Variants in ASCC2 observed in about 807,000 individuals in gnomAD.
ASCC2 encodes activating signal cointegrator 1 complex subunit 2.
In ASCC2, 42 loss-of-function variants were observed where a neutral mutation model predicts 93.5. That is an observed-to-expected ratio of 0.45 (90% confidence interval 0.35 to 0.58). The LOEUF (loss-of-function observed/expected upper bound fraction) is 0.58, where lower values mean the gene tolerates loss of function less well. Ranked by LOEUF, ASCC2 falls within the 20% of genes least tolerant of loss-of-function variation. The pLI, the probability that ASCC2 is intolerant of heterozygous loss-of-function variation, is 0.00. For synonymous variants in ASCC2, 364 were observed against 384.2 expected (o/e 0.95, Z 0.62); for missense variants, 859 against 977.6 (o/e 0.88, Z 1.62).
intron 9 of ASCC2, among the ~76,000 whole-genome samples, 178 bp downstream of exon 9, chr22:29,807,933 A>C (rs368879372): frequency 9.9e-5 from 15 of 152,126 alleles, no homozygotes; most frequent in African/African-American, 1.9e-4. Flanking sequence ...ACAACAAAAA[A>C]AAAAACAAAT....
chr22:29,791,541 C>T (rs1036914863), intron 18 of ASCC2, among the ~76,000 whole-genome samples: 1 of 152,128 alleles, frequency 6.6e-6, no homozygotes, highest in Non-Finnish European at 1.5e-5. Context: ...ATTAGCCAGG[C>T]ATGGTGGCGA....
intron 8 of ASCC2, among the ~76,000 whole-genome samples, chr22:29,810,884 C>T (rs1450701744): frequency 2.6e-5 from 4 of 152,188 alleles, no homozygotes; most frequent in South Asian, 4.1e-4. Flanking sequence ...GTGCGTGCCA[C>T]CACATCCAGC....
chr22:29,789,024 T>A lies in ASCC2; in HGVS notation c.2263A>T (p.Ile755Phe). Residue 755 changes from isoleucine (I) to phenylalanine (F), a missense_variant, in exon 20 of 20, where the codon ATC (isoleucine) becomes TTC (phenylalanine). Physicochemically the swap from Ile to Phe is conservative, Grantham distance 21 (BLOSUM62 0). Coordinates refer to ENST00000307790, the MANE Select transcript of ASCC2 (RefSeq NM_032204.5). The part of the protein sequence containing the change: ...MADRKRSKGM[I>F]PS ...CCCTGCACCAGGTCTCAGGATGGGA[T>A]CATGCCTTTGCTCCTCTTGCGGTCG... 1.2e-6 allele frequency: 2 copies of A among 1,614,144 alleles called. No individual in the cohort carries two copies. The highest frequency in any genetic ancestry group is 1.7e-6 in the Non-Finnish European group (2 of 1,180,008).
intron 18 of ASCC2, among the ~76,000 whole-genome samples, chr22:29,790,760 C>T (rs765718097): frequency 2.0e-5 from 3 of 152,190 alleles, no homozygotes; most frequent in Non-Finnish European, 1.5e-5. Flanking sequence ...CTTCCCTGAG[C>T]GGGTGGCAGC....
At chr22:29,827,791 C>CACACAA (rs1491484614) in intron 2 of ASCC2, among the ~76,000 whole-genome samples, 1 of 91,740 alleles carries the variant, frequency 1.1e-5, no homozygotes, top group Non-Finnish European at 2.2e-5. Flanking sequence ...CACACACACA[C>CACACAA]AACCAGGCTA....
chr22:29,829,953 A>G (rs1264423467), intron 2 of ASCC2, among the ~76,000 whole-genome samples: 1 of 152,192 alleles, frequency 6.6e-6, no homozygotes, highest in Non-Finnish European at 1.5e-5. Context: ...GCCCCAAGCC[A>G]AGACTAAAGG....
intron 17 of ASCC2, 104 bp from the exon 18 acceptor site, chr22:29,792,639 C>T: frequency 6.7e-7 from 1 of 1,484,794 alleles, no homozygotes; most frequent in South Asian, 1.2e-5. Context: ...GCCAGGAGGG[C>T]TCAGGAGGTT....
intron 1 of ASCC2, among the ~76,000 whole-genome samples, chr22:29,836,734 G>A (rs1452158144): frequency 2.6e-5 from 4 of 152,104 alleles, no homozygotes; most frequent in Non-Finnish European, 5.9e-5. Context: ...TGTATTTTTA[G>A]TAGAGAGAGG....
intron 1 of ASCC2, chr22:29,836,427 T>C (rs1213695619): frequency 1.3e-5 from 2 of 149,926 alleles, no homozygotes; most frequent in Non-Finnish European, 2.9e-5. Flanking sequence ...CTAAAGATTT[T>C]AGTATTTCAC....
At chr22:29,832,465 T>C (rs1039540864) in intron 1 of ASCC2, 123 bp from the exon 2 acceptor site, 32 of 748,586 alleles carry the variant, frequency 4.3e-5, no homozygotes, top group Admixed American at 1.7e-4. Flanking sequence ...GAGGCTCCTG[T>C]TGTGGTTCAG....
At position 29,794,153 on chromosome 22, in the gene ASCC2, G is replaced by T. The variant is rs145885434; in HGVS notation, c.1689-477C>A. ...CCCCACCTCAGCCTCCCAAAGTGCT[G>T]GGATTACAGGTGTGAGCCGCTGCGC... On this transcript the variant is annotated intron_variant, in intron 15 of 19. Coordinates refer to ENST00000307790, the MANE Select transcript of ASCC2 (RefSeq NM_032204.5). Among the ~76,000 whole-genome samples, 327 of 151,518 alleles carry T rather than the reference G, an allele frequency of 2.2e-3. 16 individuals carry two copies. In the East Asian group the frequency reaches 0.055, roughly 25 times the overall value.
chr22:29,800,858 TCTAGGG>T, intron 15 of ASCC2, 127 bp downstream of exon 15: 1 of 1,148,134 alleles, frequency 8.7e-7, no homozygotes. Flanking sequence ...GGTGCACAGG[TCTAGGG>T]TTGTGAAGGG....
intron 1 of ASCC2, among the ~76,000 whole-genome samples, chr22:29,833,895 T>TA (rs1484054357): frequency 2.0e-5 from 3 of 147,900 alleles, no homozygotes; most frequent in East Asian, 4.0e-4. Flanking sequence ...TTTTTTTTTT[T>TA]AAATAGAGAC....
intron 1 of ASCC2, among the ~76,000 whole-genome samples, chr22:29,836,005 T>C (rs1048683423): frequency 6.6e-6 from 1 of 152,056 alleles, no homozygotes; most frequent in African/African-American, 2.4e-5. Flanking sequence ...TCTTAAAATG[T>C]GTGGCTTTGG....
chr22:29,808,228 A>G (rs2059906534), intron 8 of ASCC2, 43 bp from the exon 9 acceptor site: 4 of 1,586,678 alleles, frequency 2.5e-6, no homozygotes, highest in Non-Finnish European at 3.5e-6. Flanking sequence ...TAGTTCATAA[A>G]TACCACACTT....
At position 29,792,469 on chromosome 22, in the gene ASCC2, G is replaced by A. The variant is rs148737590; in HGVS notation, c.1986C>T (p.Asp662=). The change falls in exon 18 of 20, where the codon GAC becomes GAT. Residue 662 remains aspartate, a synonymous_variant. Transcript: ENST00000307790. ...VPREGQEEDD[D]DEEDDADEEA... is the part of the protein sequence containing the mutation. ...CCTCGTCAGCATCGTCTTCCTCATC[G>A]TCGTCATCCTCCTCCTGCCCTTCTC... The A allele has an allele frequency of 2.6e-5, 42 of 1,613,772 alleles. No individual in the cohort carries two copies. In the African/African-American group the frequency reaches 3.6e-4, roughly 14 times the overall value.
At position 29,802,142 on chromosome 22, in the gene ASCC2, G is replaced by A; in HGVS notation, c.1420C>T (p.Gln474Ter). 1 of 1,614,216 alleles carries A rather than the reference G, an allele frequency of 6.2e-7. No individual in the cohort carries two copies. Among genetic ancestry groups the A allele is most frequent in the Non-Finnish European group, 8.5e-7 (1 of 1,180,040 alleles). ...AGGTCTGGCAGCAGGTCCTTCACTT[G>A]GGAGATGAGAGAGTCCAGTTCCACC... is the stretch of plus-strand genomic sequence containing the variant. The part of the protein sequence containing the change: ...CGVELDSLIS[Q>*]VKDLLPDLGE... The change falls in exon 14 of 20, where the codon CAA becomes TAA. Residue 474 changes from glutamine (Q) to a stop codon, truncating the protein, a stop_gained. Coordinates refer to ENST00000307790, the MANE Select transcript of ASCC2 (RefSeq NM_032204.5). LOFTEE classifies it high-confidence loss of function.
At chr22:29,806,455 A>G (rs368863736) in intron 11 of ASCC2, 30 bp downstream of exon 11, 12 of 1,610,414 alleles carry the variant, frequency 7.5e-6, no homozygotes, top group Non-Finnish European at 1.0e-5. Context: ...TGGGAGGGTC[A>G]TGGGCCCAGG....
chr22:29,822,298 A>G lies in ASCC2; in HGVS notation c.541+37T>C, dbSNP rs1056681314. On this transcript the variant is annotated intron_variant, in intron 5 of 19. Transcript: ENST00000307790. ...ACCTTTAGTTTGGCATGTGGGGGCC[A>G]TCTTGGTGCATCCTCCCAGTCCTGC... 5.0e-6 allele frequency: 8 copies of G among 1,610,586 alleles called. No individual in the cohort carries two copies. In the African/African-American group the frequency reaches 8.0e-5, roughly 16 times the overall value.
Sources: allele counts gnomAD v4.1 joint callset (sites outside exome capture counted in the v4.1 genomes callset), GRCh38; gene constraint gnomAD v4.1.1; transcripts MANE v1.5; gene names NCBI Gene and HGNC (gene_info 2026-07-23, HGNC 2026-07-21).